The following CREB5 variants were observed in gnomAD, a reference collection of about 807,000 sequenced individuals.
The protein encoded by CREB5 is cyclic AMP-responsive element-binding protein 5.
In CREB5, 19 loss-of-function variants were observed where a neutral mutation model predicts 57.1. The observed-to-expected ratio is 0.33, with a 90% CI of 0.23 to 0.49. The LOEUF (loss-of-function observed/expected upper bound fraction) is 0.49. CREB5 is among the 20% of genes least tolerant of loss of function. The probability of loss-of-function intolerance (pLI) is 0.99; values close to 1 mark genes in which losing one functional copy is unlikely to be tolerated. For synonymous variants in CREB5, 238 were observed against 238.3 expected (o/e 1.00, Z 0.01); for missense variants, 579 against 671.6 (o/e 0.86, Z 1.52).
At chr7:28,410,656 G>C (rs908293733), upstream of CREB5, 1 of 424,008 alleles carries the variant, frequency 2.4e-6, no homozygotes, top group East Asian at 7.2e-5. Context: ...CGGGCTACTT[G>C]TATATTTCGT....
At chr7:28,782,183 G>A (rs938868908) in intron 7 of CREB5, among the ~76,000 whole-genome samples, 8 of 152,062 alleles carry the variant, frequency 5.3e-5, no homozygotes, top group Admixed American at 2.6e-4. Flanking sequence ...TCCTTTTGCT[G>A]GAAATACAGT....
intron 5 of CREB5, among the ~76,000 whole-genome samples, chr7:28,633,677 C>T (rs1174941292): frequency 6.6e-6 from 1 of 152,162 alleles, no homozygotes; most frequent in Non-Finnish European, 1.5e-5. Flanking sequence ...CACTCTGAAG[C>T]TACCAGCCAT....
Position 28,823,369 on chromosome 7 carries a change from A to G in CREB5, c.*4090A>G, listed in dbSNP as rs1286660497. On this transcript the variant is annotated 3_prime_UTR_variant, in exon 11 of 11. Coordinates refer to ENST00000357727, the MANE Select transcript of CREB5 (RefSeq NM_182898.4). ...TTATTAATAAATGTTATTTTTAAAC[A>G]TTCCATTTGAACAGTATTCTGTAGG... is the stretch of plus-strand genomic sequence containing the variant. 2.6e-5 allele frequency: 4 copies of G among 152,666 alleles called. No individual in the cohort carries two copies. Among genetic ancestry groups the G allele is most frequent in the African/African-American group, 9.6e-5 (4 of 41,470 alleles). 9.5% of individuals were successfully genotyped at this position (152,666 alleles called of 1,614,324 possible).
intron 4 of CREB5, among the ~76,000 whole-genome samples, chr7:28,530,795 C>T (rs1435801981): frequency 6.6e-6 from 1 of 152,208 alleles, no homozygotes; most frequent in Admixed American, 6.5e-5. Flanking sequence ...CTAGAGTCCC[C>T]ACTCATCTCC....
intron 7 of CREB5, 103 bp from the exon 8 acceptor site, chr7:28,804,096 G>A (rs758663698): frequency 3.8e-5 from 41 of 1,077,548 alleles, no homozygotes; most frequent in Middle Eastern, 2.1e-4. Context: ...CAATAGCATC[G>A]TAAAATATAG....
intron 1 of CREB5, among the ~76,000 whole-genome samples, chr7:28,397,918 T>C (rs1787372101): frequency 6.6e-6 from 1 of 152,204 alleles, no homozygotes; most frequent in Non-Finnish European, 1.5e-5. Flanking sequence ...GGATTCTTTT[T>C]TTTCATCATT....
chr7:28,399,927 A>G (rs778527728), intron 1 of CREB5, among the ~76,000 whole-genome samples: 3 of 152,060 alleles, frequency 2.0e-5, no homozygotes, highest in Non-Finnish European at 4.4e-5. Context: ...GCGTGGTGGC[A>G]GGTGCCTGTA....
chr7:28,426,528 C>T (rs1237626706), intron 1 of CREB5, among the ~76,000 whole-genome samples: 1 of 152,194 alleles, frequency 6.6e-6, no homozygotes, highest in East Asian at 1.9e-4. Flanking sequence ...GCATGTTCTT[C>T]CCTGGAACAT....
At position 28,724,415 on chromosome 7, in the gene CREB5, G is replaced by A. The variant is rs550948067; in HGVS notation, c.702+83G>A. On this transcript the variant is annotated intron_variant, in intron 7 of 10. Transcript: ENST00000357727. ...ACTCTGACTCCAAAACCTTAGTTCA[G>A]CTAGGTAGAGGGCTCCATCTTTGTT... is the stretch of plus-strand genomic sequence containing the variant. 1.8e-5 allele frequency: 20 copies of A among 1,129,904 alleles called. No individual in the cohort carries two copies. In the South Asian group the frequency reaches 2.6e-4, roughly 15 times the overall value. The allele number at this position is 1,129,904 out of a possible 1,614,324, so 70.0% of individuals were successfully genotyped here.
At position 28,638,950 on chromosome 7, in the gene CREB5, T is replaced by C. The variant is rs149574055; in HGVS notation, c.464+68413T>C. Reference sequence around the variant, plus strand: ...ATTCATTTCTTACCCTGCTTATTTATTGTATGAGAGGAAAATTAACAGATC... The same window carrying C: ...ATTCATTTCTTACCCTGCTTATTTACTGTATGAGAGGAAAATTAACAGATC... On this transcript the variant is annotated intron_variant, in intron 5 of 10. Transcript: ENST00000357727. Among the ~76,000 whole-genome samples, 35 of 152,296 alleles carry C rather than the reference T, an allele frequency of 2.3e-4. No homozygotes were observed. The East Asian group carries it at 6.6e-3, about 29-fold the overall frequency.
rs137888069 is a variant in CREB5 at position 28,669,063 on chromosome 7, G to A, written c.465-49690G>A. Among the ~76,000 whole-genome samples the A allele has an allele frequency of 3.6e-3, 549 of 152,308 alleles. 5 individuals carry two copies. Among genetic ancestry groups the A allele is most frequent in the Admixed American group, 8.2e-3 (126 of 15,306 alleles). The stretch of plus-strand genomic sequence containing the variant: ...GAACACATCTGGCTTGAGGTACCAG[G>A]AACCCTTTCTTGCAATGAAAACATT... On this transcript the variant is annotated intron_variant, in intron 5 of 10. Transcript: ENST00000357727.
intron 4 of CREB5, among the ~76,000 whole-genome samples, chr7:28,537,163 AG>A (rs1793996102): frequency 6.6e-6 from 1 of 152,196 alleles, no homozygotes; most frequent in Admixed American, 6.5e-5. Flanking sequence ...AAGTCCAGTC[AG>A]ATTTTTTCTA....
At chr7:28,446,722 G>A (rs921559183) in intron 1 of CREB5, among the ~76,000 whole-genome samples, 1 of 152,174 alleles carries the variant, frequency 6.6e-6, no homozygotes, top group African/African-American at 2.4e-5. Context: ...AACCCGGGAG[G>A]TGGAGATTGC....
rs564989763 is a variant in CREB5 at position 28,428,800 on chromosome 7, C to T, written c.3+15883C>T. Reference sequence around the variant, plus strand: ...TCTTGGGCATCAAATAGGCCAGCCTCATCTCACAGCACACAGCCCTTTCCA... The same window carrying T: ...TCTTGGGCATCAAATAGGCCAGCCTTATCTCACAGCACACAGCCCTTTCCA... On this transcript the variant is annotated intron_variant, in intron 1 of 10. Transcript: ENST00000357727. Among the ~76,000 whole-genome samples, 6 of 152,264 alleles carry T rather than the reference C, an allele frequency of 3.9e-5. No individual in the cohort carries two copies. In the South Asian group the frequency reaches 6.2e-4, roughly 16 times the overall value.
chr7:28,790,755 T>C (rs1005258560), intron 7 of CREB5, among the ~76,000 whole-genome samples: 2 of 152,234 alleles, frequency 1.3e-5, no homozygotes, highest in African/African-American at 4.8e-5. Context: ...CCCTGGTAAG[T>C]TGAGCTTCAC....
chr7:28,599,758 T>TGTTTTG (rs1554273199), intron 5 of CREB5, among the ~76,000 whole-genome samples: 105 of 149,202 alleles, frequency 7.0e-4, no homozygotes, highest in East Asian at 5.1e-3. Flanking sequence ...TGTTTTGTTT[T>TGTTTTG]TTTATTGTAT....
chr7:28,560,859 C>CGT (rs71555750), intron 4 of CREB5, among the ~76,000 whole-genome samples: 1 of 32,676 alleles, frequency 3.1e-5, no homozygotes, highest in Non-Finnish European at 6.4e-5. Flanking sequence ...TGTGTGTGTG[C>CGT]GTGTGCCTGC....
rs35298927 is a variant in CREB5, at chr7:28,516,466, C to T, written c.291+8729C>T. 2.1e-4 allele frequency among the ~76,000 whole-genome samples: 32 copies of T among 151,952 alleles called. No homozygotes were observed. In the South Asian group the frequency reaches 6.2e-3, roughly 30 times the overall value. On this transcript the variant is annotated intron_variant, in intron 4 of 10. Coordinates refer to ENST00000357727, the MANE Select transcript of CREB5 (RefSeq NM_182898.4). ...GACTGAAGTGGGGGCAATAAATGAC[C>T]GAAAAAAGAAACCCAAAACAGCCAA...
rs1786178613 is a variant in CREB5 at position 28,351,206 on chromosome 7, T to C, written c.-25+51765T>C. Among the ~76,000 whole-genome samples the C allele has an allele frequency of 2.0e-5, 3 of 152,194 alleles. No individual in the cohort carries two copies. In the South Asian group the frequency reaches 6.2e-4, roughly 32 times the overall value. ...TGGCATTTTCAATTTTGGGGAGTAA[T>C]ATATGATTTTCTGGAATAGCTTCCA... On this transcript the variant is annotated intron_variant, in intron 1 of 9. Coordinates refer to the CREB5 transcript ENST00000396299.
Sources: allele counts gnomAD v4.1 joint callset (sites outside exome capture counted in the v4.1 genomes callset), GRCh38; gene constraint gnomAD v4.1.1; transcripts MANE v1.5; gene names NCBI Gene and HGNC (gene_info 2026-07-23, HGNC 2026-07-21).